Variants in CEMIP observed in about 807,000 individuals in gnomAD.
The protein encoded by CEMIP is cell migration inducing hyaluronidase 1.
CEMIP carries 105 observed loss-of-function variants against 156.9 expected under a neutral mutation model. That is an observed-to-expected ratio of 0.67 (90% confidence interval 0.57 to 0.79). CEMIP has a LOEUF of 0.79. Ranked by LOEUF, CEMIP falls within the 30% of genes least tolerant of loss-of-function variation. CEMIP has a pLI of 0.00. For synonymous variants in CEMIP, 676 were observed against 668.4 expected, an observed-to-expected ratio of 1.01 and a Z score of -0.17; for missense variants, 1,457 against 1,769.4, an observed-to-expected ratio of 0.82 and a Z score of 3.17.
At chr15:80,856,024 C>T (rs1477779695) in intron 1 of CEMIP, among the ~76,000 whole-genome samples, 3 of 152,248 alleles carry the variant, frequency 2.0e-5, no homozygotes, top group Non-Finnish European at 2.9e-5. Flanking sequence ...GGTCTACATA[C>T]TGGATCATTC....
intron 21 of CEMIP, among the ~76,000 whole-genome samples, chr15:80,930,284 G>C (rs1267882726): frequency 6.6e-6 from 1 of 152,250 alleles, no homozygotes; most frequent in Non-Finnish European, 1.5e-5. Context: ...TAATGGAGCA[G>C]TCCCTTTCAG....
intron 12 of CEMIP, chr15:80,897,416 C>T (rs551011802): frequency 4.0e-5 from 18 of 450,056 alleles, no homozygotes; most frequent in East Asian, 7.0e-5. Context: ...ATGGGGGAGG[C>T]GGACCTAGAG....
intron 14 of CEMIP, among the ~76,000 whole-genome samples, chr15:80,917,766 A>T (rs67997873): frequency 0.14 from 20,573 of 152,168 alleles, 1,479 homozygotes; most frequent in East Asian, 0.26. Context: ...GACCTTGTAC[A>T]TATGGCTTAT....
chr15:80,848,794 T>G (rs1366629021), intron 1 of CEMIP, among the ~76,000 whole-genome samples: 1 of 151,918 alleles, frequency 6.6e-6, no homozygotes. Context: ...CAAGAGGGGC[T>G]AAATGGACCT....
At chr15:80,903,439 A>G (rs2141880720) in intron 12 of CEMIP, among the ~76,000 whole-genome samples, 1 of 152,334 alleles carries the variant, frequency 6.6e-6, no homozygotes, top group Non-Finnish European at 1.5e-5. Flanking sequence ...AGCTTGCTGC[A>G]GGTAGAGGGA....
At position 80,889,416 on chromosome 15, in the gene CEMIP, G is replaced by A. The variant is rs111229077; in HGVS notation, c.965-55G>A. On this transcript the variant is annotated intron_variant, in intron 9 of 29. Transcript: ENST00000394685. ...GATGCTTGGAGACAACACTGAGTGT[G>A]ACTTGCCCTCACAGACAACCTCCTG... 4,703 of 1,612,682 alleles carry A rather than the reference G, an allele frequency of 2.9e-3. 107 individuals are homozygous for A. In the African/African-American group the frequency reaches 0.054, roughly 19 times the overall value.
intron 14 of CEMIP, among the ~76,000 whole-genome samples, chr15:80,910,820 A>G (rs1157985522): frequency 6.6e-6 from 1 of 152,240 alleles, no homozygotes; most frequent in African/African-American, 2.4e-5. Context: ...CTGTCCACAC[A>G]TGAAGGCTGA....
Position 80,878,721 on chromosome 15 carries a change from TGGCTGCTGGGTGCCCTGACCA to T in CEMIP, c.97_117del (p.Ala33_Gln39del). 2 of 1,614,152 alleles carry T rather than the reference TGGCTGCTGGGTGCCCTGACCA, an allele frequency of 1.2e-6. No homozygotes were observed. Among genetic ancestry groups the T allele is most frequent in the Non-Finnish European group, 1.7e-6 (2 of 1,180,028 alleles). ...AGTGACATCTCTCTGTCCTTGGCAG[TGGCTGCTGGGTGCCCTGACCA>T]GAGCCCTGAGTTGCAACCCTGGAAC... is the stretch of plus-strand genomic sequence containing the variant. On this transcript the variant is annotated inframe_deletion and splice_region_variant, in exon 4 of 30. Coordinates refer to ENST00000394685, the MANE Select transcript of CEMIP (RefSeq NM_001293298.2).
rs1899164229 is a variant in CEMIP, at chr15:80,894,996, A to G, written c.1093A>G (p.Thr365Ala). The G allele has an allele frequency of 1.2e-6, 2 of 1,614,056 alleles. No individual in the cohort carries two copies. The highest frequency in any genetic ancestry group is 1.7e-5 in the Admixed American group (1 of 60,002). The change falls in exon 11 of 30, where the codon ACA becomes GCA. Residue 365 changes from threonine to alanine, a missense_variant. Thr to Ala is a moderately conservative substitution (Grantham distance 58, BLOSUM62 0). Transcript: ENST00000394685. Reference sequence around the variant, plus strand: ...ATTTCTGTGTCATTCCCAGGCCACTACAATGGATGGAGTTAACCTCAGCAC... The same window carrying G: ...ATTTCTGTGTCATTCCCAGGCCACTGCAATGGATGGAGTTAACCTCAGCAC... ...CNRPIDIQAT[T>A]MDGVNLSTEV...
chr15:80,855,460 G>A (rs879738522), intron 1 of CEMIP, among the ~76,000 whole-genome samples: 6 of 151,934 alleles, frequency 3.9e-5, no homozygotes, highest in Non-Finnish European at 4.4e-5. Flanking sequence ...AACACAGCTC[G>A]TTCTCACTGC....
At chr15:80,879,014 ATCAGCTCTGAGCTGTTAGG>A in intron 4 of CEMIP, 147 bp downstream of exon 4, 2 of 1,061,456 alleles carry the variant, frequency 1.9e-6, no homozygotes, top group Non-Finnish European at 2.9e-6. Flanking sequence ...TGAGATAACC[ATCAGCTCTGAGCTGTTAGG>A]AATGGCTTGT....
intron 25 of CEMIP, among the ~76,000 whole-genome samples, chr15:80,941,185 T>C (rs1323712278): frequency 2.0e-5 from 3 of 152,144 alleles, no homozygotes; most frequent in Middle Eastern, 3.2e-3. Context: ...GGGTGGTAGA[T>C]ACCCCATATC....
intron 1 of CEMIP, among the ~76,000 whole-genome samples, chr15:80,818,858 A>G (rs1309854032): frequency 6.6e-6 from 1 of 152,228 alleles, no homozygotes; most frequent in African/African-American, 2.4e-5. Flanking sequence ...TGTCAACCTT[A>G]ATCAATCGCA....
intron 1 of CEMIP, among the ~76,000 whole-genome samples, chr15:80,789,468 A>G (rs1453496407): frequency 2.0e-5 from 3 of 152,222 alleles, no homozygotes; most frequent in African/African-American, 7.2e-5. Context: ...CACAGAGTTC[A>G]TCAGATTTCT....
chr15:80,792,955 T>TA (rs1896119756), intron 1 of CEMIP, among the ~76,000 whole-genome samples: 1 of 152,228 alleles, frequency 6.6e-6, no homozygotes, highest in African/African-American at 2.4e-5. Flanking sequence ...ACCTACTACT[T>TA]ACAGTCACTT....
chr15:80,876,469 C>T (rs1898482692), intron 3 of CEMIP, among the ~76,000 whole-genome samples: 1 of 152,236 alleles, frequency 6.6e-6, no homozygotes. Context: ...AGCCCCTTGA[C>T]ATTTACAATA....
At chr15:80,881,182 C>T (rs1335682274) in intron 6 of CEMIP, 46 bp downstream of exon 6, 2 of 1,538,496 alleles carry the variant, frequency 1.3e-6, no homozygotes, top group African/African-American at 2.7e-5. Flanking sequence ...ATTCAAAGTA[C>T]ACTTATTGAG....
chr15:80,816,217 G>C (rs1896784940), intron 1 of CEMIP, among the ~76,000 whole-genome samples: 1 of 152,184 alleles, frequency 6.6e-6, no homozygotes, highest in South Asian at 2.1e-4. Context: ...TCCCATCTCA[G>C]CAGGGCCTCT....
chr15:80,915,163 G>T (rs1395284291), intron 14 of CEMIP, among the ~76,000 whole-genome samples: 4 of 152,216 alleles, frequency 2.6e-5, no homozygotes, highest in African/African-American at 9.7e-5. Flanking sequence ...TCAGAATCTT[G>T]TGGCCTCTAG....
Sources: allele counts gnomAD v4.1 joint callset (sites outside exome capture counted in the v4.1 genomes callset), GRCh38; gene constraint gnomAD v4.1.1; transcripts MANE v1.5; gene names NCBI Gene and HGNC (gene_info 2026-07-23, HGNC 2026-07-21).